Variants in SPEN observed in about 807,000 individuals in gnomAD.
SPEN encodes the protein msx2-interacting protein.
SPEN carries 18 observed loss-of-function variants against 269.9 expected under a neutral mutation model. That is an observed-to-expected ratio of 0.07 (90% CI 0.05 to 0.10). SPEN has a LOEUF of 0.10. Ranked by LOEUF, SPEN falls within the 10% of genes least tolerant of loss-of-function variation. SPEN has a pLI of 1.00. For missense variants in SPEN, 3,822 were observed against 4,631.2 expected, an observed-to-expected ratio of 0.83 and a Z score of 5.07; for synonymous variants, 1,726 against 1,765.7, an observed-to-expected ratio of 0.98 and a Z score of 0.56.
intron 2 of SPEN, chr1:15,874,155 A>G: frequency 7.3e-7 from 1 of 1,365,912 alleles, no homozygotes; most frequent in Non-Finnish European, 9.8e-7. Context: ...TATCTCAAGA[A>G]AGAAGTCTGG....
At chr1:15,918,445 C>CT (rs1470056747) in intron 6 of SPEN, among the ~76,000 whole-genome samples, 1 of 152,212 alleles carries the variant, frequency 6.6e-6, no homozygotes, top group Non-Finnish European at 1.5e-5. Flanking sequence ...TGTCGAACTC[C>CT]TGACCTCAAG....
At chr1:15,864,777 A>G (rs752059227) in intron 1 of SPEN, among the ~76,000 whole-genome samples, 8 of 150,090 alleles carry the variant, frequency 5.3e-5, no homozygotes, top group Non-Finnish European at 1.2e-4. Context: ...AGTAGCTAGG[A>G]CTCAAACTCC....
chr1:15,894,573 G>T lies in SPEN; in HGVS notation c.882-14748G>T, dbSNP rs1417913842. Among the ~76,000 whole-genome samples, 3 of 123,852 alleles carry T rather than the reference G, an allele frequency of 2.4e-5. No homozygotes were observed. In the Admixed American group the frequency reaches 3.0e-4, roughly 13 times the overall value. 81.3% of individuals were successfully genotyped at this position (123,852 alleles called of 152,430 possible). ...TTTTTTTTTTTTGAGACGGAGTCTC[G>T]CTCTTTCGCCAGGCTGGAGTGCAGT... On this transcript the variant is annotated intron_variant, in intron 3 of 14. Transcript: ENST00000375759.
intron 1 of SPEN, among the ~76,000 whole-genome samples, chr1:15,853,344 G>C (rs780459590): frequency 6.6e-6 from 1 of 150,620 alleles, no homozygotes; most frequent in Non-Finnish European, 1.5e-5. Flanking sequence ...GTGCCACCAT[G>C]CCTGGCTAAT....
At chr1:15,854,911 A>G (rs2070370497) in intron 1 of SPEN, among the ~76,000 whole-genome samples, 1 of 152,188 alleles carries the variant, frequency 6.6e-6, no homozygotes, top group Admixed American at 6.5e-5. Flanking sequence ...CCCTACATGT[A>G]TTCCTGTCTG....
At chr1:15,882,843 A>G (rs1025448896) in intron 3 of SPEN, among the ~76,000 whole-genome samples, 2 of 152,170 alleles carry the variant, frequency 1.3e-5, no homozygotes, top group Non-Finnish European at 2.9e-5. Context: ...GCAGAAGAGT[A>G]GGTTGGTAGG....
rs770985769 is a variant in SPEN at position 15,937,381 on chromosome 1, T to C, written c.10245T>C (p.Pro3415=). Residue 3415 remains proline (P), a synonymous_variant, in exon 12 of 15, where the codon CCT becomes CCC. Coordinates refer to ENST00000375759, the MANE Select transcript of SPEN (RefSeq NM_015001.3). This position sits in a 1 kb window ranked among gnomAD's most constrained non-coding sequence, Gnocchi z 5.7. ...PAGPANRPPE[P]HTQVQRAQAE... ...GACCTGCAAACAGGCCACCTGAGCC[T>C]CACACCCAGGTTCAGAGGGCACAAG... is the stretch of plus-strand genomic sequence containing the variant. The C allele has an allele frequency of 1.2e-6, 2 of 1,613,834 alleles. No individual in the cohort carries two copies. The highest frequency in any genetic ancestry group is 2.2e-5 in the South Asian group (2 of 91,084).
At chr1:15,919,545 C>G in intron 8 of SPEN, 28 bp downstream of exon 8, 1 of 1,437,910 alleles carries the variant, frequency 7.0e-7, no homozygotes, top group Non-Finnish European at 9.5e-7. Context: ...GTATGTGGTT[C>G]AGACTTCTGA....
chr1:15,867,994 T>C (rs1411890082), intron 1 of SPEN, among the ~76,000 whole-genome samples: 1 of 151,764 alleles, frequency 6.6e-6, no homozygotes, highest in Non-Finnish European at 1.5e-5. Context: ...CCACCACACT[T>C]AGCTAATTTT....
At chr1:15,905,314 C>T (rs11590647) in intron 3 of SPEN, among the ~76,000 whole-genome samples, 5 of 151,022 alleles carry the variant, frequency 3.3e-5, no homozygotes, top group African/African-American at 9.7e-5. Context: ...CTCCGCCTCC[C>T]GGGTTCAAGC....
At chr1:15,876,036 G>C (rs946353080) in intron 2 of SPEN, among the ~76,000 whole-genome samples, 166 bp from the exon 3 acceptor site, 1 of 152,206 alleles carries the variant, frequency 6.6e-6, no homozygotes, top group Non-Finnish European at 1.5e-5. Context: ...TTGGAGTCAA[G>C]TAAAATGTTA....
At chr1:15,884,031 C>T (rs1480476599) in intron 3 of SPEN, among the ~76,000 whole-genome samples, 2 of 151,990 alleles carry the variant, frequency 1.3e-5, no homozygotes, top group African/African-American at 4.8e-5. Context: ...AGGATGGTCT[C>T]GATCTCCTGA....
intron 1 of SPEN, among the ~76,000 whole-genome samples, chr1:15,864,961 A>G (rs547411141): frequency 6.6e-6 from 1 of 152,164 alleles, no homozygotes; most frequent in South Asian, 2.1e-4. Context: ...TTGGCTTCCC[A>G]AAGTGGTGGG....
intron 1 of SPEN, among the ~76,000 whole-genome samples, chr1:15,860,851 C>T (rs545572314): frequency 2.0e-4 from 30 of 152,120 alleles, no homozygotes; most frequent in Non-Finnish European, 2.6e-4. Flanking sequence ...CCGCCTGCCT[C>T]GGCCTCCCAA....
chr1:15,865,780 G>T (rs935862245), intron 1 of SPEN, among the ~76,000 whole-genome samples: 5 of 151,550 alleles, frequency 3.3e-5, no homozygotes, highest in African/African-American at 9.7e-5. Context: ...TAATAACTCT[G>T]TATAGTTAGG....
At chr1:15,888,655 A>G (rs1223200571) in intron 3 of SPEN, among the ~76,000 whole-genome samples, 1 of 149,148 alleles carries the variant, frequency 6.7e-6, no homozygotes, top group Non-Finnish European at 1.5e-5. Context: ...TTTTTGAGAC[A>G]GTGTTTTGCT....
intron 10 of SPEN, among the ~76,000 whole-genome samples, chr1:15,924,618 G>C (rs1397321525): frequency 1.3e-5 from 2 of 152,104 alleles, no homozygotes; most frequent in Non-Finnish European, 2.9e-5. Context: ...GCACCACCAG[G>C]CCTGGCTAAT....
intron 3 of SPEN, among the ~76,000 whole-genome samples, chr1:15,879,004 CAAAAA>C (rs3048559): frequency 5.2e-5 from 4 of 76,558 alleles, no homozygotes; most frequent in Admixed American, 1.4e-4. Context: ...GACTCTGTCT[CAAAAA>C]AAAAAAAAAA....
chr1:15,911,438 G>A lies in SPEN; in HGVS notation c.1243+137G>A, dbSNP rs368904029. On this transcript the variant is annotated intron_variant, in intron 5 of 14. Transcript: ENST00000375759. ...TATTGACATATTTCCATTGTCTTCT[G>A]TTTTAAAAGATGGTTCTATTTATTG... 35 of 707,318 alleles carry A rather than the reference G, an allele frequency of 4.9e-5. No individual in the cohort carries two copies. In the African/African-American group the frequency reaches 5.9e-4, roughly 12 times the overall value. 43.8% of individuals were successfully genotyped at this position (707,318 alleles called of 1,614,324 possible).
Sources: gnomAD v4.1 joint callset for allele counts (sites outside exome capture counted in the v4.1 genomes callset) on GRCh38, gnomAD v4.1.1 for gene constraint, Gnocchi (gnomAD v3.1) non-coding constraint, MANE v1.5 for transcripts, NCBI Gene and HGNC (gene_info 2026-07-23, HGNC 2026-07-21) for gene names.